Variants in MED23 observed in about 807,000 individuals in gnomAD.
MED23 encodes mediator of RNA polymerase II transcription subunit 23.
MED23 carries 105 observed loss-of-function variants against 163.9 expected under a neutral mutation model. The ratio of observed to expected loss-of-function variants is 0.64; its 90% confidence interval spans 0.55 to 0.75. The LOEUF (loss-of-function observed/expected upper bound fraction) is 0.75. Among genes scored for constraint, MED23 ranks in the 30% least tolerant of loss-of-function variants. The pLI is 0.00. For synonymous variants in MED23, 561 were observed against 565.6 expected (o/e 0.99, Z 0.12); for missense variants, 1,054 against 1,649.0 (o/e 0.64, Z 6.25).
Position 131,576,647 on chromosome 6 carries a change from T to C in MED23, c.4096-2352A>G, listed in dbSNP as rs780487191. The C allele has an allele frequency of 9.3e-6, 15 of 1,611,162 alleles. No homozygotes were observed. The highest frequency in any genetic ancestry group is 1.3e-5 in the Non-Finnish European group (15 of 1,177,408). ...TCATGATAATGTCTGAAGTACTTTA[T>C]TTTTTAATTGTTCAGCCACGAGGAG... On this transcript the variant is annotated intron_variant, in intron 30 of 30. Coordinates refer to the MED23 transcript ENST00000354577.
chr6:131,596,175 A>C lies in MED23; in HGVS notation c.2779-12T>G, dbSNP rs752383887. 3.1e-6 allele frequency: 5 copies of C among 1,609,488 alleles called. No homozygotes were observed. Among genetic ancestry groups the C allele is most frequent in the Non-Finnish European group, 4.3e-6 (5 of 1,175,882 alleles). On this transcript the variant is annotated splice_polypyrimidine_tract_variant and intron_variant, in intron 21 of 28. Coordinates refer to ENST00000368068, the MANE Select transcript of MED23 (RefSeq NM_004830.4). ...TTCTCTGGATATTTCTGTGGAATTG[A>C]GAAGATGATAAATGGTTAGAGCATT... is the stretch of plus-strand genomic sequence containing the variant.
chr6:131,598,634 T>G lies in MED23; in HGVS notation c.2348A>C (p.Gln783Pro). ...ENDIITHFSM[Q>P]GSPPLFLCLL... ...ACAAAGAAAGAGAGGAGGGGAGCCC[T>G]GCATAGAGAAGTGGGTAATAATGTC... Residue 783 changes from glutamine to proline, a missense_variant, in exon 19 of 29, where the codon CAG (glutamine) becomes CCG (proline). By Grantham distance (76) the Gln-to-Pro change is moderately conservative. Transcript: ENST00000368068. The surrounding 1 kb of genome is among the most constrained non-coding windows in gnomAD (Gnocchi z 4.7). The G allele has an allele frequency of 6.2e-7, 1 of 1,614,162 alleles. No individual in the cohort carries two copies. Among genetic ancestry groups the G allele is most frequent in the Admixed American group, 1.7e-5 (1 of 60,014 alleles).
At chr6:131,602,147 T>A (rs1316549231) in intron 17 of MED23, 71 bp downstream of exon 17, 1 of 1,499,762 alleles carries the variant, frequency 6.7e-7, no homozygotes, top group Non-Finnish European at 9.3e-7. Flanking sequence ...ATGTTACAAC[T>A]ATAGTAATTA....
At position 131,620,653 on chromosome 6, in the gene MED23, T is replaced by C. The variant is rs753630604; in HGVS notation, c.572A>G (p.Tyr191Cys). The C allele has an allele frequency of 1.9e-6, 3 of 1,612,286 alleles. No homozygotes were observed. In the Admixed American group the frequency reaches 5.0e-5, roughly 27 times the overall value. The change falls in exon 7 of 29, where the codon TAT becomes TGT. Residue 191 changes from tyrosine to cysteine, a missense_variant. Coordinates refer to ENST00000368068, the MANE Select transcript of MED23 (RefSeq NM_004830.4). ...CCAGTGTGGAAGTTTGCCTTCAGGA[T>C]ACAGTTTCCTGATCTCAGTGACTGC... The part of the protein sequence containing the change: ...YFAVTEIRKL[Y>C]PEGKLPHWLL...
Position 131,587,254 on chromosome 6 carries a change from G to A in MED23, c.*425C>T. On this transcript the variant is annotated 3_prime_UTR_variant, in exon 29 of 29. Coordinates refer to ENST00000368068, the MANE Select transcript of MED23 (RefSeq NM_004830.4). ...TCTGAAAATCTACCAAGAGATTTAT[G>A]TATAAAATATTTGTAATAACTGTTT... is the stretch of plus-strand genomic sequence containing the variant. 1 of 1,029,306 alleles carries A rather than the reference G, an allele frequency of 9.7e-7. No homozygotes were observed. The highest frequency in any genetic ancestry group is 3.7e-5 in the South Asian group (1 of 26,942). 63.8% of individuals were successfully genotyped at this position (1,029,306 alleles called of 1,614,324 possible). A position where few individuals can be genotyped will look rare whatever the true frequency, so the allele number is the denominator to read the frequency against.
downstream of MED23, chr6:131,582,839 AC>A (rs1282107385): frequency 2.3e-6 from 2 of 857,202 alleles, no homozygotes; most frequent in Non-Finnish European, 4.0e-6. Context: ...ACATGCCCAC[AC>A]ACATATATTT....
intron 30 of MED23, among the ~76,000 whole-genome samples, chr6:131,574,510 A>C (rs1773519539): frequency 6.6e-6 from 1 of 152,152 alleles, no homozygotes; most frequent in Non-Finnish European, 1.5e-5. Flanking sequence ...AACCTCACAA[A>C]AGGGAAGCAA....
At chr6:131,588,012 A>ATTC (rs1405370343) in intron 28 of MED23, among the ~76,000 whole-genome samples, 166 bp from the exon 29 acceptor site, 24 of 152,298 alleles carry the variant, frequency 1.6e-4, no homozygotes, top group African/African-American at 5.8e-4. Context: ...AGATACAATG[A>ATTC]TTTCTTTCTT....
At chr6:131,614,069 C>T (rs1776474848) in intron 10 of MED23, among the ~76,000 whole-genome samples, 1 of 152,080 alleles carries the variant, frequency 6.6e-6, no homozygotes, top group Non-Finnish European at 1.5e-5. Flanking sequence ...TGAATACTTA[C>T]CTCTAATTCA....
intron 30 of MED23, among the ~76,000 whole-genome samples, chr6:131,577,150 G>C (rs995575309): frequency 1.3e-5 from 2 of 152,234 alleles, no homozygotes; most frequent in Admixed American, 1.3e-4. Flanking sequence ...TGTGGGCGCA[G>C]TGTGTATATA....
downstream of MED23, chr6:131,582,741 G>A (rs368493607): frequency 1.2e-6 from 2 of 1,606,566 alleles, no homozygotes; most frequent in African/African-American, 2.7e-5. Context: ...GATGTGATTT[G>A]CCTCCATTTT....
intron 28 of MED23, among the ~76,000 whole-genome samples, chr6:131,588,507 AAAAC>A (rs1189094274): frequency 1.3e-5 from 2 of 152,156 alleles, no homozygotes; most frequent in African/African-American, 2.4e-5. Context: ...TTTTTTTAAA[AAAAC>A]AAACAAATAA....
At chr6:131,594,465 A>T in intron 22 of MED23, 130 bp from the exon 23 acceptor site, 1 of 771,822 alleles carries the variant, frequency 1.3e-6, no homozygotes, top group African/African-American at 1.7e-5. Context: ...CATGCTGGGC[A>T]ATTGTATACT....
chr6:131,616,357 T>C (rs1444926282), intron 9 of MED23, among the ~76,000 whole-genome samples: 1 of 152,248 alleles, frequency 6.6e-6, no homozygotes, highest in East Asian at 1.9e-4. Flanking sequence ...ATCTCACTAA[T>C]GTCAATTTAT....
At chr6:131,627,704 A>G in intron 1 of MED23, 32 bp from the exon 2 acceptor site, 1 of 1,581,404 alleles carries the variant, frequency 6.3e-7, no homozygotes. Flanking sequence ...AATGTAAACA[A>G]TGTTAATTTT....
chr6:131,628,027 A>G lies in MED23; in HGVS notation c.23T>C (p.Ile8Thr), dbSNP rs760408030. The change falls in exon 1 of 29, where the codon ATT becomes ACT. Residue 8 changes from isoleucine (I) to threonine (T), a missense_variant. By Grantham distance (89) the Ile-to-Thr change is moderately conservative. Coordinates refer to ENST00000368068, the MANE Select transcript of MED23 (RefSeq NM_004830.4). The part of the protein sequence containing the change: METQLQS[I>T]FEEVVKTEVI... ...TGCACTCACCACCACCTCTTCGAAAATGCTCTGCAGTTGCGTCTCCATCTG... is the reference window on the plus strand; with the variant it reads ...TGCACTCACCACCACCTCTTCGAAAGTGCTCTGCAGTTGCGTCTCCATCTG... The G allele has an allele frequency of 6.2e-7, 1 of 1,613,942 alleles. No individual in the cohort carries two copies. The highest frequency in any genetic ancestry group is 1.1e-5 in the South Asian group (1 of 91,074).
intron 12 of MED23, among the ~76,000 whole-genome samples, chr6:131,606,849 C>G (rs1046685957): frequency 6.6e-6 from 1 of 152,046 alleles, no homozygotes; most frequent in East Asian, 1.9e-4. Flanking sequence ...CTTTAAGTAA[C>G]ACATATTCAC....
intron 28 of MED23, among the ~76,000 whole-genome samples, chr6:131,588,763 G>T (rs913546147): frequency 2.0e-5 from 3 of 152,032 alleles, no homozygotes; most frequent in Non-Finnish European, 2.9e-5. Flanking sequence ...TTTCCTACAC[G>T]TAGGAAACTC....
At chr6:131,595,921 C>A (rs775908366) in intron 22 of MED23, 26 bp downstream of exon 22, 1 of 1,571,066 alleles carries the variant, frequency 6.4e-7, no homozygotes, top group South Asian at 1.1e-5. Flanking sequence ...AGGTATTAGA[C>A]GAAATTAAAA....
Sources: allele counts gnomAD v4.1 joint callset (sites outside exome capture counted in the v4.1 genomes callset), GRCh38; gene constraint gnomAD v4.1.1; non-coding constraint Gnocchi (gnomAD v3.1); transcripts MANE v1.5; gene names NCBI Gene and HGNC (gene_info 2026-07-23, HGNC 2026-07-21).